INTS8: variants seen among roughly 807,000 people sequenced by gnomAD.
INTS8 encodes integrator complex subunit 8.
A neutral mutation model predicts 138.9 loss-of-function variants in INTS8; 47 were observed. The observed-to-expected ratio is 0.34, with a 90% CI of 0.27 to 0.43. The LOEUF (loss-of-function observed/expected upper bound fraction) is 0.43, where lower values mean the gene tolerates loss of function less well. Ranked by LOEUF, INTS8 falls within the 20% of genes least tolerant of loss-of-function variation. The pLI is 1.00. For synonymous variants in INTS8, 392 were observed against 400.9 expected, an observed-to-expected ratio of 0.98 and a Z score of 0.27; for missense variants, 996 against 1,173.0, an observed-to-expected ratio of 0.85 and a Z score of 2.20.
chr8:94,864,465 T>C (rs1209512644), intron 16 of INTS8, among the ~76,000 whole-genome samples: 5 of 152,210 alleles, frequency 3.3e-5, no homozygotes, highest in African/African-American at 1.2e-4. Context: ...CTCAGCACTT[T>C]GGGAGGCCGA....
chr8:94,827,367 C>T lies in INTS8; in HGVS notation c.410C>T (p.Pro137Leu). ...HVDMDLATLP[P>L]TTAMAVLLYN... ...GACATGGATCTGGCCACTTTACCTCCGACCACTGCCATGGCTGTACTTCTC... is the reference window on the plus strand; with the variant it reads ...GACATGGATCTGGCCACTTTACCTCTGACCACTGCCATGGCTGTACTTCTC... Residue 137 changes from proline (P) to leucine (L), a missense_variant, in exon 3 of 27, where the codon CCG (proline) becomes CTG (leucine). Physicochemically the swap from Pro to Leu is moderately conservative, Grantham distance 98 (BLOSUM62 -3). Transcript: ENST00000523731. 1.2e-6 allele frequency: 2 copies of T among 1,614,150 alleles called. No homozygotes were observed. The highest frequency in any genetic ancestry group is 1.7e-6 in the Non-Finnish European group (2 of 1,179,990).
At chr8:94,877,235 G>A (rs1308943430) in intron 26 of INTS8, among the ~76,000 whole-genome samples, 2 of 152,120 alleles carry the variant, frequency 1.3e-5, no homozygotes, top group Non-Finnish European at 2.9e-5. Flanking sequence ...ATATTTACTT[G>A]TCTAACATTT....
At chr8:94,848,013 C>CTTGTTTTTTTTTTTTTTTTTT (rs1815393920) in intron 10 of INTS8, among the ~76,000 whole-genome samples, 1 of 129,998 alleles carries the variant, frequency 7.7e-6, no homozygotes, top group Non-Finnish European at 1.7e-5. Context: ...TAAAACACTG[C>CTTGTTTTTTTTTTTTTTTTTT]TTTTTTTTTT....
At chr8:94,867,979 G>A (rs1246137427) in intron 20 of INTS8, 1 of 152,102 alleles carries the variant, frequency 6.6e-6, no homozygotes, top group African/African-American at 2.4e-5. Context: ...GTATCTATTT[G>A]AAAGTGATTT....
chr8:94,826,802 T>G (rs1814523130), intron 2 of INTS8, among the ~76,000 whole-genome samples: 2 of 152,126 alleles, frequency 1.3e-5, no homozygotes, highest in Non-Finnish European at 2.9e-5. Context: ...AATAAAAAGT[T>G]TTAAAAATCT....
At chr8:94,848,035 GTCTC>G (rs1306519872) in intron 10 of INTS8, among the ~76,000 whole-genome samples, 2 of 101,170 alleles carry the variant, frequency 2.0e-5, no homozygotes, top group African/African-American at 4.0e-5. Context: ...TTGAGATGGA[GTCTC>G]TCTCTGTTTC....
chr8:94,876,561 A>G (rs1816571873), intron 26 of INTS8, 72 bp downstream of exon 26: 1 of 938,878 alleles, frequency 1.1e-6, no homozygotes, highest in Admixed American at 2.6e-5. Flanking sequence ...ATGTGAACCA[A>G]CAAAAAATAG....
chr8:94,851,064 A>G (rs1019641422), intron 12 of INTS8, among the ~76,000 whole-genome samples: 1 of 152,212 alleles, frequency 6.6e-6, no homozygotes, highest in African/African-American at 2.4e-5. Context: ...TGAAGACCGT[A>G]TCTGATATCT....
At chr8:94,853,749 C>A (rs1419124308) in intron 13 of INTS8, 56 bp from the exon 14 acceptor site, 2 of 883,824 alleles carry the variant, frequency 2.3e-6, no homozygotes, top group East Asian at 2.5e-5. Flanking sequence ...AGATTCTTAT[C>A]TAGATTTGGC....
intron 6 of INTS8, among the ~76,000 whole-genome samples, chr8:94,833,227 T>C (rs1814793542): frequency 6.6e-6 from 1 of 152,140 alleles, no homozygotes; most frequent in Non-Finnish European, 1.5e-5. Flanking sequence ...GGGGTAAAAA[T>C]AGTTATGACA....
At position 94,838,576 on chromosome 8, in the gene INTS8, A is replaced by G. The variant is rs1181633723; in HGVS notation, c.975A>G (p.Pro325=). 9.3e-6 allele frequency: 15 copies of G among 1,613,734 alleles called. No homozygotes were observed. Among genetic ancestry groups the G allele is most frequent in the African/African-American group, 1.3e-5 (1 of 75,048 alleles). The change falls in exon 8 of 27, where the codon CCA becomes CCG. Residue 325 remains proline (P), a synonymous_variant. Transcript: ENST00000523731. ...ATAGTACATCTCAACAGTTGACTCC[A>G]TATAGTCAAGTCCATATTTGTTTGA... The part of the protein sequence containing the change: ...SSDSTSQQLT[P]YSQVHICLRS...
In INTS8 at chr8:94,832,173, A is replaced by G. The variant is rs1381064472; in HGVS notation, c.752A>G (p.Gln251Arg). 1 of 1,609,852 alleles carries G rather than the reference A, an allele frequency of 6.2e-7. No individual in the cohort carries two copies. The highest frequency in any genetic ancestry group is 8.5e-7 in the Non-Finnish European group (1 of 1,178,858). ...GTCAAAACCGAAGAAATGCAGTGCC[A>G]GGTATTCATTTGATACTTAATTTAC... ...LKVKTEEMQC[Q>R]VCYDLGAAYF... The change falls in exon 6 of 27, where the codon CAG becomes CGG. Residue 251 changes from glutamine to arginine, a missense_variant and splice_region_variant. Gln to Arg is a conservative substitution (Grantham distance 43). Coordinates refer to ENST00000523731, the MANE Select transcript of INTS8 (RefSeq NM_017864.4).
intron 21 of INTS8, among the ~76,000 whole-genome samples, chr8:94,873,044 C>T (rs1361438747): frequency 6.6e-6 from 1 of 152,162 alleles, no homozygotes; most frequent in Non-Finnish European, 1.5e-5. Flanking sequence ...CTCATTTCCA[C>T]CCCAGCCCCC....
In INTS8 at chr8:94,876,451, C is replaced by A; in HGVS notation, c.2833C>A (p.His945Asn). 1 of 1,541,860 alleles carries A rather than the reference C, an allele frequency of 6.5e-7. No homozygotes were observed. Among genetic ancestry groups the A allele is most frequent in the Non-Finnish European group, 8.9e-7 (1 of 1,121,522 alleles). Residue 945 changes from histidine (H) to asparagine (N), a missense_variant, in exon 26 of 27, where the codon CAT becomes AAT. Physicochemically the swap from His to Asn is moderately conservative, Grantham distance 68. Coordinates refer to ENST00000523731, the MANE Select transcript of INTS8 (RefSeq NM_017864.4). Reference protein sequence around the residue: ...VTILEYLTYLHHKRGETDKRQ... With the variant: ...VTILEYLTYLNHKRGETDKRQ... Reference sequence around the variant, plus strand: ...TTCCTTAACTGATTCATTAGATCTTCATCATAAAAGAGGAGAAACAGATAA... The same window carrying A: ...TTCCTTAACTGATTCATTAGATCTTAATCATAAAAGAGGAGAAACAGATAA...
chr8:94,876,489 A>G lies in INTS8; in HGVS notation c.2871A>G (p.Ala957=). The G allele has an allele frequency of 1.9e-6, 3 of 1,547,538 alleles. No homozygotes were observed. The highest frequency in any genetic ancestry group is 2.7e-6 in the Non-Finnish European group (3 of 1,127,284). The change falls in exon 26 of 27, where the codon GCA becomes GCG. Residue 957 remains alanine (A), a splice_region_variant and synonymous_variant. Coordinates refer to ENST00000523731, the MANE Select transcript of INTS8 (RefSeq NM_017864.4). ...GAGAAACAGATAAAAGACAAATTGC[A>G]GTAAGTTACCTTATGCCTTTCTTCA... ...KRGETDKRQI[A]IKAIGQTELN...
chr8:94,834,664 T>C (rs1157946447), intron 6 of INTS8, among the ~76,000 whole-genome samples: 2 of 150,972 alleles, frequency 1.3e-5, no homozygotes, highest in Non-Finnish European at 2.9e-5. Flanking sequence ...GATCACCCCA[T>C]TGCATTCCAG....
At chr8:94,865,458 C>T (rs939488271) in intron 16 of INTS8, 48 bp from the exon 17 acceptor site, 10 of 1,461,238 alleles carry the variant, frequency 6.8e-6, no homozygotes, top group Non-Finnish European at 9.5e-6. Context: ...AACTAATGTG[C>T]ACGACATTAC....
In INTS8 at chr8:94,859,522, C is replaced by T. The variant is rs149099542; in HGVS notation, c.1966C>T (p.Arg656Cys). 6.8e-6 allele frequency: 11 copies of T among 1,612,572 alleles called. No homozygotes were observed. Among genetic ancestry groups the T allele is most frequent in the East Asian group, 2.2e-5 (1 of 44,798 alleles). Residue 656 changes from arginine to cysteine, a missense_variant, in exon 16 of 27, where the codon CGT (arginine) becomes TGT (cysteine). Arg to Cys is a radical substitution (Grantham distance 180, BLOSUM62 -3). Transcript: ENST00000523731. ...LEMRLPDIPL[R>C]QVIAEECVAF... Reference sequence around the variant, plus strand: ...TCTTTGCTTTTTAGATATTCCTCTTCGTCAAGTTATAGCTGAGGAATGTGT... The same window carrying T: ...TCTTTGCTTTTTAGATATTCCTCTTTGTCAAGTTATAGCTGAGGAATGTGT...
intron 23 of INTS8, 192 bp from the exon 24 acceptor site, chr8:94,875,882 G>C (rs1816548400): frequency 3.9e-6 from 2 of 514,840 alleles, no homozygotes; most frequent in Non-Finnish European, 7.0e-6. Flanking sequence ...TTGTGGTTGA[G>C]GTCACTGATG....
Sources: allele counts gnomAD v4.1 joint callset (sites outside exome capture counted in the v4.1 genomes callset), GRCh38; gene constraint gnomAD v4.1.1; transcripts MANE v1.5; gene names NCBI Gene and HGNC (gene_info 2026-07-23, HGNC 2026-07-21).